SPRY3: variants seen among roughly 807,000 people sequenced by gnomAD.
SPRY3 encodes the protein sprouty RTK signaling antagonist 3.
A neutral mutation model predicts 20.2 loss-of-function variants in SPRY3; 15 were observed. That is an observed-to-expected ratio of 0.74 (90% CI 0.50 to 1.14). The LOEUF is 1.14. Among genes scored for constraint, SPRY3 ranks in the 50% most tolerant of loss-of-function variants. The probability of loss-of-function intolerance (pLI) is 0.00; values close to 1 mark genes in which losing one functional copy is unlikely to be tolerated. For synonymous variants in SPRY3, 143 were observed against 136.5 expected, an observed-to-expected ratio of 1.05 and a Z score of -0.33; for missense variants, 364 against 363.9, an observed-to-expected ratio of 1.00 and a Z score of 0.00.
intron 2 of SPRY3, among the ~76,000 whole-genome samples, chrX:155,711,685 A>G (rs1482383258): frequency 1.8e-5 from 2 of 108,158 alleles, no homozygotes; most frequent in Admixed American, 1.8e-4. Context: ...ATTTCTTTTT[A>G]CTATTTTTTT....
intron 1 of SPRY3, among the ~76,000 whole-genome samples, chrX:155,632,253 A>G (rs942075212): frequency 9.0e-6 from 1 of 110,878 alleles, no homozygotes; most frequent in Non-Finnish European, 1.9e-5. Flanking sequence ...ACACGCACAC[A>G]CACACTGTAT....
chrX:155,713,760 T>C (rs2091002892), intron 2 of SPRY3, among the ~76,000 whole-genome samples: 1 of 142,664 alleles, frequency 7.0e-6, no homozygotes, highest in South Asian at 2.1e-4. Flanking sequence ...TTCTGTCATA[T>C]AATGTCTTTG....
At chrX:155,774,243 G>C in exon 4 of SPRY3, 7 of 1,614,006 alleles carry the variant, frequency 4.3e-6, no homozygotes, top group Non-Finnish European at 4.2e-6. Context: ...TCCACCCAAA[G>C]GCTGATGGTG....
chrX:155,773,339 T>C (rs1418413493), intron 3 of SPRY3, among the ~76,000 whole-genome samples: 2 of 145,566 alleles, frequency 1.4e-5, no homozygotes, highest in Non-Finnish European at 1.5e-5. Context: ...TATATATATA[T>C]ATGAGCAACT....
chrX:155,668,807 C>G (rs1356818983), intron 2 of SPRY3, among the ~76,000 whole-genome samples: 1 of 110,349 alleles, frequency 9.1e-6, no homozygotes, highest in Non-Finnish European at 1.9e-5. Context: ...ATTCCAGTCA[C>G]TATGTTCCAA....
intron 2 of SPRY3, among the ~76,000 whole-genome samples, chrX:155,749,666 GCCAAATTATATAGGACCTTGTAGA>G (rs1184098809): frequency 3.7e-4 from 56 of 151,918 alleles, no homozygotes; most frequent in African/African-American, 1.3e-3. Context: ...ATAAGAATAG[GCCAAATTATATAGGACCTTGTAGA>G]CTATTGTATT....
intron 1 of SPRY3, among the ~76,000 whole-genome samples, chrX:155,622,591 G>T (rs1452091599): frequency 8.9e-6 from 1 of 112,213 alleles, no homozygotes; most frequent in Non-Finnish European, 1.9e-5. Flanking sequence ...GCTGCAGTTT[G>T]TGCAGAAAGC....
chrX:155,724,762 A>G (rs1332538567), intron 2 of SPRY3, among the ~76,000 whole-genome samples: 1 of 152,206 alleles, frequency 6.6e-6, no homozygotes, highest in African/African-American at 2.4e-5. Context: ...TGTCATCTGC[A>G]AACAGGGACA....
At chrX:155,714,873 G>A (rs368160466) in intron 2 of SPRY3, among the ~76,000 whole-genome samples, 3 of 152,024 alleles carry the variant, frequency 2.0e-5, no homozygotes, top group African/African-American at 4.8e-5. Flanking sequence ...ACCAGTCCAC[G>A]GGGGATTCTG....
At chrX:155,758,132 C>A (rs192694977) in intron 2 of SPRY3, among the ~76,000 whole-genome samples, 1 of 152,154 alleles carries the variant, frequency 6.6e-6, no homozygotes, top group Admixed American at 6.5e-5. Flanking sequence ...GAGGATGAAA[C>A]GATTCATTTA....
chrX:155,768,069 G>T (rs893410959), exon 3 of SPRY3: 2 of 152,174 alleles, frequency 1.3e-5, no homozygotes, highest in African/African-American at 2.4e-5. Context: ...GAGGAGAAGA[G>T]ATCCTTTGAG....
chrX:155,669,373 C>A (rs1411864340), intron 2 of SPRY3, among the ~76,000 whole-genome samples: 2 of 110,875 alleles, frequency 1.8e-5, no homozygotes, highest in Non-Finnish European at 3.8e-5. Flanking sequence ...CCAAATAAAT[C>A]ATTCCTTCTT....
At chrX:155,776,087 T>A (rs1209320787) in exon 4 of SPRY3, 1 of 167,092 alleles carries the variant, frequency 6.0e-6, no homozygotes, top group Non-Finnish European at 1.5e-5. Flanking sequence ...TGGGACTTTT[T>A]CCTAGGGCTC....
chrX:155,720,970 A>C (rs306931), intron 2 of SPRY3, among the ~76,000 whole-genome samples: 19,600 of 152,196 alleles, frequency 0.13, 2,145 homozygotes, highest in African/African-American at 0.31. Context: ...TCCTGGAGAA[A>C]CAGAGATATC....
intron 2 of SPRY3, among the ~76,000 whole-genome samples, chrX:155,739,057 G>C (rs1043327035): frequency 6.6e-5 from 10 of 152,156 alleles, no homozygotes; most frequent in African/African-American, 2.2e-4. Context: ...TTGAGTTCCT[G>C]GGGGGAGGGG....
chrX:155,766,867 G>A (rs1339881925), intron 2 of SPRY3, among the ~76,000 whole-genome samples: 1 of 152,174 alleles, frequency 6.6e-6, no homozygotes, highest in African/African-American at 2.4e-5. Context: ...GTTGGGTAAT[G>A]GTTTCCCAGT....
chrX:155,728,527 C>T (rs1371192890), intron 2 of SPRY3, among the ~76,000 whole-genome samples: 3 of 152,182 alleles, frequency 2.0e-5, no homozygotes, highest in Admixed American at 1.3e-4. Flanking sequence ...GGTGGACGCC[C>T]CTCCCCCTCC....
At chrX:155,694,740 G>A (rs1603138959) in intron 2 of SPRY3, among the ~76,000 whole-genome samples, 1 of 111,791 alleles carries the variant, frequency 8.9e-6, no homozygotes, top group East Asian at 2.8e-4. Context: ...CTAAAAAGGA[G>A]TGCACAACCT....
intron 1 of SPRY3, among the ~76,000 whole-genome samples, chrX:155,632,418 A>G (rs1350008336): frequency 1.8e-5 from 2 of 111,808 alleles, no homozygotes; most frequent in African/African-American, 6.5e-5. Context: ...TCACAAGTTT[A>G]CAGATTGACC....
Sources: gnomAD v4.1 joint callset for allele counts (sites outside exome capture counted in the v4.1 genomes callset) on GRCh38, gnomAD v4.1.1 for gene constraint, MANE v1.5 for transcripts, NCBI Gene and HGNC (gene_info 2026-07-23, HGNC 2026-07-21) for gene names.